Variants in SPOCK3 observed in about 807,000 individuals in gnomAD.
SPOCK3 encodes the protein testican-3.
In SPOCK3, 30 loss-of-function variants were observed where a neutral mutation model predicts 56.6. The observed-to-expected ratio is 0.53, with a 90% CI of 0.40 to 0.72. The LOEUF (loss-of-function observed/expected upper bound fraction) is 0.72, where lower values mean the gene tolerates loss of function less well. SPOCK3 is among the 30% of genes least tolerant of loss of function. SPOCK3 has a pLI of 0.00. For synonymous variants in SPOCK3, 196 were observed against 183.3 expected (o/e 1.07, Z -0.56); for missense variants, 527 against 530.0 (o/e 0.99, Z 0.06).
Position 166,996,045 on chromosome 4 carries a change from A to G in SPOCK3, c.350+4304T>C, listed in dbSNP as rs143373606. ...CTTTTAAAAATAGTCATTATAAACCATGAATTCCAAGATTGCATAGTTAAA... is the reference window on the plus strand; with the variant it reads ...CTTTTAAAAATAGTCATTATAAACCGTGAATTCCAAGATTGCATAGTTAAA... On this transcript the variant is annotated intron_variant, in intron 4 of 10. Transcript: ENST00000357545. Among the ~76,000 whole-genome samples, 1,345 of 152,276 alleles carry G rather than the reference A, an allele frequency of 8.8e-3. 20 individuals are homozygous for G. The highest frequency in any genetic ancestry group is 0.03 in the African/African-American group (1,257 of 41,576).
At chr4:166,798,941 A>T (rs1045633054) in intron 6 of SPOCK3, among the ~76,000 whole-genome samples, 6 of 152,152 alleles carry the variant, frequency 3.9e-5, no homozygotes, top group African/African-American at 1.4e-4. Flanking sequence ...CAAATCTTCA[A>T]TATGGATGAA....
At chr4:167,139,331 C>T (rs9654309) in intron 2 of SPOCK3, among the ~76,000 whole-genome samples, 2,500 of 151,894 alleles carry the variant, frequency 0.016, 72 homozygotes, top group African/African-American at 0.058. Context: ...AATTAATGAA[C>T]TACACTAGAA....
intron 3 of SPOCK3, among the ~76,000 whole-genome samples, chr4:167,020,024 A>G (rs1198390518): frequency 6.6e-6 from 1 of 152,096 alleles, no homozygotes; most frequent in Non-Finnish European, 1.5e-5. Context: ...TGGAAATACT[A>G]TTGGATGTTA....
intron 4 of SPOCK3, among the ~76,000 whole-genome samples, chr4:166,981,729 T>G (rs940778846): frequency 6.6e-6 from 1 of 152,168 alleles, no homozygotes; most frequent in South Asian, 2.1e-4. Context: ...ACCAGGCACC[T>G]GTCTGACTCC....
At position 166,854,742 on chromosome 4, in the gene SPOCK3, T is replaced by C. The variant is rs10028183; in HGVS notation, c.589+34388A>G. ...AACTGTTTTCCAGTTGGAATTCTAA[T>C]AGCCAAGAGGTAATTAATAAGTTAA... On this transcript the variant is annotated intron_variant, in intron 6 of 10. Transcript: ENST00000357545. 9.1e-3 allele frequency among the ~76,000 whole-genome samples: 1,392 copies of C among 152,278 alleles called. 24 individuals are homozygous for C. Among genetic ancestry groups the C allele is most frequent in the African/African-American group, 0.032 (1,314 of 41,534 alleles).
At chr4:167,220,289 G>C (rs1298545220) in intron 2 of SPOCK3, among the ~76,000 whole-genome samples, 1 of 151,584 alleles carries the variant, frequency 6.6e-6, no homozygotes, top group Non-Finnish European at 1.5e-5. Flanking sequence ...TGGCACAACT[G>C]TAGAAATTAA....
At chr4:167,021,508 T>C (rs1208722633) in intron 3 of SPOCK3, among the ~76,000 whole-genome samples, 2 of 152,010 alleles carry the variant, frequency 1.3e-5, no homozygotes, top group Non-Finnish European at 2.9e-5. Flanking sequence ...TCAAAAGTTC[T>C]TATCTGGGGA....
chr4:167,086,224 A>T (rs945444307), intron 2 of SPOCK3, among the ~76,000 whole-genome samples: 2 of 152,140 alleles, frequency 1.3e-5, no homozygotes, highest in Non-Finnish European at 2.9e-5. Flanking sequence ...CTTAACTATA[A>T]TAGTTCATCA....
intron 2 of SPOCK3, among the ~76,000 whole-genome samples, chr4:167,101,011 A>G (rs947426040): frequency 6.6e-6 from 1 of 152,152 alleles, no homozygotes; most frequent in Non-Finnish European, 1.5e-5. Context: ...ATTGAAACTC[A>G]TGGTCAGTTT....
chr4:167,180,046 G>A (rs911506678), intron 2 of SPOCK3, among the ~76,000 whole-genome samples: 4 of 152,142 alleles, frequency 2.6e-5, no homozygotes, highest in East Asian at 3.9e-4. Flanking sequence ...TCAGTGAAAG[G>A]GGTGTAGTTT....
At chr4:166,810,799 A>G (rs1421506222) in intron 6 of SPOCK3, among the ~76,000 whole-genome samples, 1 of 151,980 alleles carries the variant, frequency 6.6e-6, no homozygotes, top group East Asian at 1.9e-4. Flanking sequence ...CATTGAGCAT[A>G]TAAAATAAAC....
chr4:167,008,692 C>T (rs1749702547), intron 3 of SPOCK3, among the ~76,000 whole-genome samples: 1 of 152,064 alleles, frequency 6.6e-6, no homozygotes, highest in Non-Finnish European at 1.5e-5. Context: ...TTTGCCGCAA[C>T]ATGGATACAG....
chr4:167,154,550 A>T (rs757415364), intron 2 of SPOCK3, among the ~76,000 whole-genome samples: 11 of 152,206 alleles, frequency 7.2e-5, no homozygotes, highest in Non-Finnish European at 1.0e-4. Context: ...TAAACAACTG[A>T]GCTAAAGAAA....
intron 2 of SPOCK3, among the ~76,000 whole-genome samples, chr4:167,095,740 A>G (rs1277023485): frequency 6.6e-6 from 1 of 151,600 alleles, no homozygotes; most frequent in Non-Finnish European, 1.5e-5. Flanking sequence ...AAACCTCCCA[A>G]ACTTGCATGA....
chr4:166,734,734 C>T lies in SPOCK3; in HGVS notation c.*187G>A. ...TCTTTTTGTGTAAGGAATATAAAAACTCAAAGCAAATGATTCTTATTTAAA... is the reference window on the plus strand; with the variant it reads ...TCTTTTTGTGTAAGGAATATAAAAATTCAAAGCAAATGATTCTTATTTAAA... On this transcript the variant is annotated 3_prime_UTR_variant, in exon 11 of 11. Transcript: ENST00000357545. 1.9e-6 allele frequency: 1 copy of T among 529,964 alleles called. No homozygotes were observed. Among genetic ancestry groups the T allele is most frequent in the Non-Finnish European group, 3.2e-6 (1 of 312,904 alleles). The allele number at this position is 529,964 out of a possible 1,614,324, so 32.8% of individuals were successfully genotyped here.
At chr4:167,011,131 A>G (rs779192936) in intron 3 of SPOCK3, 22 of 293,144 alleles carry the variant, frequency 7.5e-5, no homozygotes, top group Middle Eastern at 4.3e-4. Context: ...GATTGGACTT[A>G]TAAAAACCTC....
chr4:166,781,122 T>C (rs537233664), intron 7 of SPOCK3, among the ~76,000 whole-genome samples: 52 of 152,234 alleles, frequency 3.4e-4, no homozygotes, highest in Non-Finnish European at 6.9e-4. Context: ...CCATCTCTAC[T>C]GTTCTACACA....
chr4:166,957,945 G>C (rs948924921), intron 4 of SPOCK3, among the ~76,000 whole-genome samples: 5 of 152,120 alleles, frequency 3.3e-5, no homozygotes, highest in African/African-American at 4.8e-5. Flanking sequence ...GTGAAGAATT[G>C]GGGGGTTACT....
chr4:167,006,578 T>C (rs1749489590), intron 3 of SPOCK3, among the ~76,000 whole-genome samples: 1 of 152,116 alleles, frequency 6.6e-6, no homozygotes, highest in Admixed American at 6.6e-5. Flanking sequence ...CCTAATACTG[T>C]ATTCCGATAA....
Sources: allele counts gnomAD v4.1 joint callset (sites outside exome capture counted in the v4.1 genomes callset), GRCh38; gene constraint gnomAD v4.1.1; transcripts MANE v1.5; gene names NCBI Gene and HGNC (gene_info 2026-07-23, HGNC 2026-07-21).